The following USP34 variants were observed in gnomAD, a reference collection of about 807,000 sequenced individuals.
USP34 encodes ubiquitin carboxyl-terminal hydrolase 34.
In USP34, 70 loss-of-function variants were observed where a neutral mutation model predicts 460.3. The ratio of observed to expected loss-of-function variants is 0.15; its 90% CI spans 0.13 to 0.19. USP34 has a LOEUF of 0.19. USP34 is among the 10% of genes least tolerant of loss of function. The pLI, the probability that USP34 is intolerant of heterozygous loss-of-function variation, is 1.00. For synonymous variants in USP34, 1,647 were observed against 1,405.3 expected (o/e 1.17, Z -3.85); for missense variants, 3,985 against 4,236.2 (o/e 0.94, Z 1.65).
At chr2:61,461,523 A>G (rs1695601069) in intron 1 of USP34, among the ~76,000 whole-genome samples, 1 of 152,162 alleles carries the variant, frequency 6.6e-6, no homozygotes, top group African/African-American at 2.4e-5. Context: ...CTCTACCAAA[A>G]TAACTTTTAT....
At chr2:61,231,284 T>A (rs1021480116) in intron 58 of USP34, among the ~76,000 whole-genome samples, 3 of 150,690 alleles carry the variant, frequency 2.0e-5, no homozygotes, top group Non-Finnish European at 3.0e-5. Flanking sequence ...GGGTATAGGG[T>A]TTTTTTTTGG....
At chr2:61,262,182 CTTTT>C (rs537665771) in intron 43 of USP34, among the ~76,000 whole-genome samples, 2 of 131,076 alleles carry the variant, frequency 1.5e-5, no homozygotes, top group Non-Finnish European at 3.2e-5. Context: ...CACAGGTCTC[CTTTT>C]TTTTTTTACT....
At chr2:61,428,640 T>C (rs1201358939) in intron 1 of USP34, among the ~76,000 whole-genome samples, 1 of 152,130 alleles carries the variant, frequency 6.6e-6, no homozygotes, top group African/African-American at 2.4e-5. Flanking sequence ...GCATAATAAT[T>C]ACACAAGGAT....
At chr2:61,219,708 A>T (rs1333803161) in intron 67 of USP34, among the ~76,000 whole-genome samples, 1 of 152,072 alleles carries the variant, frequency 6.6e-6, no homozygotes, top group East Asian at 1.9e-4. Flanking sequence ...TGGATACCAG[A>T]CATGTTTATT....
intron 59 of USP34, 118 bp from the exon 60 acceptor site, chr2:61,229,113 G>A (rs942624761): frequency 4.3e-5 from 31 of 712,982 alleles, no homozygotes; most frequent in Non-Finnish European, 5.6e-5. Flanking sequence ...AATATGAACC[G>A]CAATAACTTA....
chr2:61,191,879 T>C (rs544198754), intron 76 of USP34, among the ~76,000 whole-genome samples: 1 of 152,282 alleles, frequency 6.6e-6, no homozygotes, highest in East Asian at 1.9e-4. Flanking sequence ...CTGATAAAAG[T>C]CATTTTCTGA....
At chr2:61,272,642 C>T (rs763629404) in intron 41 of USP34, among the ~76,000 whole-genome samples, 8 of 152,112 alleles carry the variant, frequency 5.3e-5, no homozygotes, top group East Asian at 1.9e-4. Context: ...AACTAGCATA[C>T]GAGTAAACCC....
rs1333747767 is a variant in USP34 at position 61,206,696 on chromosome 2, T to G, written c.9046+64A>C. 1.9e-6 allele frequency: 3 copies of G among 1,575,358 alleles called. No homozygotes were observed. The East Asian group carries it at 6.8e-5, about 36-fold the overall frequency. ...AAACAATTTCTCTGGGGCACATGAT[T>G]TTAAAACCTTCTCTCTCTTTACTAG... On this transcript the variant is annotated intron_variant, in intron 71 of 79. Transcript: ENST00000398571.
At chr2:61,339,828 TG>T in intron 16 of USP34, 147 bp from the exon 17 acceptor site, 1 of 454,616 alleles carries the variant, frequency 2.2e-6, no homozygotes, top group Non-Finnish European at 3.7e-6. Context: ...TATTTTGTTT[TG>T]TTTTGTTTTT....
chr2:61,245,615 T>G (rs1357013042), intron 50 of USP34, among the ~76,000 whole-genome samples: 1 of 151,888 alleles, frequency 6.6e-6, no homozygotes, highest in Non-Finnish European at 1.5e-5. Context: ...AAGGTACCAT[T>G]TCAAAATTTA....
intron 1 of USP34, among the ~76,000 whole-genome samples, chr2:61,458,840 GGTGGATGGTGAGGTCAGGA>G (rs1695514338): frequency 6.6e-6 from 1 of 152,030 alleles, no homozygotes; most frequent in Non-Finnish European, 1.5e-5. Context: ...GGCCAAGGCA[GGTGGATGGTGAGGTCAGGA>G]GTTCAAGACC....
At chr2:61,455,344 A>G (rs1695406004) in intron 1 of USP34, among the ~76,000 whole-genome samples, 1 of 151,820 alleles carries the variant, frequency 6.6e-6, no homozygotes, top group Non-Finnish European at 1.5e-5. Flanking sequence ...ATGCCCAACT[A>G]GTTTTTGTAT....
chr2:61,294,804 A>G, intron 32 of USP34, 145 bp downstream of exon 32: 1 of 708,482 alleles, frequency 1.4e-6, no homozygotes, highest in Non-Finnish European at 2.3e-6. Flanking sequence ...CGTTATTGCA[A>G]CTTAAAGTAA....
chr2:61,192,821 T>C, intron 76 of USP34, 80 bp downstream of exon 76: 1 of 1,221,132 alleles, frequency 8.2e-7, no homozygotes, highest in Middle Eastern at 2.0e-4. Flanking sequence ...CAGCAAGTCT[T>C]CAACCCACTG....
chr2:61,314,526 T>C (rs1690685609), intron 25 of USP34, 59 bp downstream of exon 25: 2 of 1,351,816 alleles, frequency 1.5e-6, no homozygotes, highest in Non-Finnish European at 1.9e-6. Context: ...AGAATATTTC[T>C]GGATATGTCA....
At chr2:61,451,607 G>C (rs1384258036) in intron 1 of USP34, among the ~76,000 whole-genome samples, 1 of 151,706 alleles carries the variant, frequency 6.6e-6, no homozygotes, top group Non-Finnish European at 1.5e-5. Flanking sequence ...GTTTCAACCT[G>C]GGAGACGGAG....
intron 37 of USP34, 102 bp downstream of exon 37, chr2:61,283,043 T>C: frequency 1.6e-6 from 2 of 1,220,912 alleles, no homozygotes; most frequent in South Asian, 1.4e-5. Context: ...GATATATTTA[T>C]GGACTCACGC....
chr2:61,256,255 G>A, intron 48 of USP34, 129 bp downstream of exon 48: 1 of 787,526 alleles, frequency 1.3e-6, no homozygotes, highest in Non-Finnish European at 2.1e-6. Flanking sequence ...TGCTCCATGA[G>A]ACTGAGCTCC....
At chr2:61,234,114 T>G (rs1687996991) in intron 57 of USP34, among the ~76,000 whole-genome samples, 1 of 152,210 alleles carries the variant, frequency 6.6e-6, no homozygotes, top group African/African-American at 2.4e-5. Context: ...CCTTTCTACT[T>G]TTGTCCATGT....
Sources: gnomAD v4.1 joint callset for allele counts (sites outside exome capture counted in the v4.1 genomes callset) on GRCh38, gnomAD v4.1.1 for gene constraint, MANE v1.5 for transcripts, NCBI Gene and HGNC (gene_info 2026-07-23, HGNC 2026-07-21) for gene names.